HCK: variants seen among roughly 807,000 people sequenced by gnomAD.
The protein encoded by HCK is tyrosine-protein kinase HCK.
In HCK, 40 loss-of-function variants were observed where a neutral mutation model predicts 70.4. The ratio of observed to expected loss-of-function variants is 0.57; its 90% confidence interval spans 0.44 to 0.74. HCK has a LOEUF of 0.74. Ranked by LOEUF, HCK falls within the 30% of genes least tolerant of loss-of-function variation. HCK has a pLI of 0.00. For missense variants in HCK, 568 were observed against 697.2 expected (o/e 0.81, Z 2.09); for synonymous variants, 245 against 263.2 (o/e 0.93, Z 0.67).
intron 11 of HCK, among the ~76,000 whole-genome samples, chr20:32,095,896 T>C (rs1278146371): frequency 2.7e-5 from 3 of 109,818 alleles, no homozygotes; most frequent in Non-Finnish European, 5.4e-5. Context: ...TATTTATTTA[T>C]TTATTTATTT....
intron 5 of HCK, among the ~76,000 whole-genome samples, chr20:32,076,518 TG>T (rs1256762059): frequency 1.3e-5 from 2 of 152,150 alleles, no homozygotes; most frequent in Non-Finnish European, 2.9e-5. Context: ...GAGGCGTGGC[TG>T]GCATTATTTC....
Position 32,099,119 on chromosome 20 carries a change from C to A in HCK, c.1362C>A (p.Gly454=). 6.2e-7 allele frequency: 1 copy of A among 1,614,124 alleles called. No homozygotes were observed. Among genetic ancestry groups the A allele is most frequent in the Non-Finnish European group, 8.5e-7 (1 of 1,179,988 alleles). Residue 454 remains glycine, a synonymous_variant, in exon 12 of 13, where the codon GGC becomes GGA. Coordinates refer to ENST00000375852, the MANE Select transcript of HCK (RefSeq NM_002110.5). ...TGCTGATGGAGATCGTCACCTACGG[C>A]CGGATCCCTTACCCAGGTAGGGAAG...
intron 1 of HCK, among the ~76,000 whole-genome samples, chr20:32,063,089 C>T (rs1248565689): frequency 6.6e-6 from 1 of 152,176 alleles, no homozygotes; most frequent in African/African-American, 2.4e-5. Context: ...GTTTGACCTA[C>T]CACTGACTAG....
At chr20:32,093,097 A>C (rs191996680) in intron 10 of HCK, among the ~76,000 whole-genome samples, 12 of 152,138 alleles carry the variant, frequency 7.9e-5, no homozygotes, top group Admixed American at 2.0e-4. Context: ...GGCGTGCACC[A>C]CCATGCTCAT....
At position 32,084,379 on chromosome 20, in the gene HCK, A is replaced by C. The variant is rs774814991; in HGVS notation, c.683-12A>C. On this transcript the variant is annotated splice_polypyrimidine_tract_variant and intron_variant, in intron 7 of 12. Transcript: ENST00000375852. ...GCTTGTTGCTCTCAATTGACCAGGG[A>C]CTCTGTTCCAGAGGGGAACGACGGG... 4.4e-6 allele frequency: 7 copies of C among 1,607,502 alleles called. No individual in the cohort carries two copies. The highest frequency in any genetic ancestry group is 5.1e-6 in the Non-Finnish European group (6 of 1,176,584).
At chr20:32,082,699 A>C (rs2045725091) in intron 6 of HCK, among the ~76,000 whole-genome samples, 1 of 152,104 alleles carries the variant, frequency 6.6e-6, no homozygotes, top group Non-Finnish European at 1.5e-5. Flanking sequence ...TACTATTATC[A>C]TGGTAAAGAA....
chr20:32,052,332 G>T lies in HCK; in HGVS notation c.-93G>T. 1 of 898,802 alleles carries T rather than the reference G, an allele frequency of 1.1e-6. No individual in the cohort carries two copies. The highest frequency in any genetic ancestry group is 1.5e-6 in the Non-Finnish European group (1 of 664,176). The allele number at this position is 898,802 out of a possible 1,614,324, so 55.7% of individuals were successfully genotyped here. On this transcript the variant is annotated 5_prime_UTR_variant, in exon 1 of 13. Transcript: ENST00000375852. ...ACAGTGCAGGACGAGAAACGCCCGC[G>T]GCACCAAAGCCCCTCAGAGCGTCGC...
At chr20:32,054,296 C>T (rs2045230604) in intron 1 of HCK, 1 of 455,666 alleles carries the variant, frequency 2.2e-6, no homozygotes, top group East Asian at 7.0e-5. Flanking sequence ...GCATAAACAA[C>T]ACGTAGGATT....
In HCK at chr20:32,101,339, C is replaced by A. The variant is rs1333578784; in HGVS notation, c.1401C>A (p.Ile467=). The change falls in exon 13 of 13, where the codon ATC becomes ATA. Residue 467 remains isoleucine, a synonymous_variant. Transcript: ENST00000375852. ...CAGGGATGTCAAACCCTGAAGTGAT[C>A]CGAGCTCTGGAGCGTGGATACCGGA... is the stretch of plus-strand genomic sequence containing the variant. The A allele has an allele frequency of 1.9e-6, 3 of 1,614,154 alleles. No individual in the cohort carries two copies. Among genetic ancestry groups the A allele is most frequent in the African/African-American group, 1.3e-5 (1 of 75,052 alleles).
At chr20:32,055,242 G>T (rs1393610268) in intron 1 of HCK, among the ~76,000 whole-genome samples, 1 of 152,230 alleles carries the variant, frequency 6.6e-6, no homozygotes, top group South Asian at 2.1e-4. Context: ...GAAGAGAGAA[G>T]AATGTTGCTC....
chr20:32,092,385 T>C (rs756150238), intron 10 of HCK, among the ~76,000 whole-genome samples: 1 of 152,238 alleles, frequency 6.6e-6, no homozygotes, highest in Non-Finnish European at 1.5e-5. Flanking sequence ...AAACCAAAAG[T>C]GCTGCTTTCT....
intron 6 of HCK, among the ~76,000 whole-genome samples, chr20:32,081,962 G>A (rs900905991): frequency 6.6e-6 from 1 of 152,192 alleles, no homozygotes; most frequent in Non-Finnish European, 1.5e-5. Flanking sequence ...CATGAGACCT[G>A]TGAATCCCAC....
intron 11 of HCK, among the ~76,000 whole-genome samples, chr20:32,095,612 G>C (rs1205124811): frequency 6.6e-6 from 1 of 152,264 alleles, no homozygotes; most frequent in South Asian, 2.1e-4. Flanking sequence ...TACAGCTGGT[G>C]GTGGGGAGTT....
rs552281266 is a variant in HCK at position 32,092,373 on chromosome 20, G to A, written c.1093-1490G>A. Reference sequence around the variant, plus strand: ...GCCTCAAAGAGCTCAAGCCCAGTTTGTAAACCAAAAGTGCTGCTTTCTGGG... The same window carrying A: ...GCCTCAAAGAGCTCAAGCCCAGTTTATAAACCAAAAGTGCTGCTTTCTGGG... On this transcript the variant is annotated intron_variant, in intron 10 of 12. Transcript: ENST00000375852. 2.6e-4 allele frequency among the ~76,000 whole-genome samples: 39 copies of A among 152,302 alleles called. 1 individual carries two copies. The highest frequency in any genetic ancestry group is 2.2e-3 in the Admixed American group (34 of 15,298).
At chr20:32,055,898 A>G (rs545330483) in intron 1 of HCK, among the ~76,000 whole-genome samples, 12 of 152,292 alleles carry the variant, frequency 7.9e-5, no homozygotes, top group Non-Finnish European at 1.8e-4. Flanking sequence ...TATTCAGGAT[A>G]TTTAACATAA....
At chr20:32,072,834 C>G (rs1299622854) in intron 2 of HCK, among the ~76,000 whole-genome samples, 4 of 152,024 alleles carry the variant, frequency 2.6e-5, no homozygotes, top group Non-Finnish European at 5.9e-5. Context: ...CTCAAGAAAC[C>G]TGGATCCTGG....
Position 32,074,693 on chromosome 20 carries a change from G to A in HCK, c.400G>A (p.Ala134Thr), listed in dbSNP as rs761716878. 1.7e-5 allele frequency: 27 copies of A among 1,613,652 alleles called. No individual in the cohort carries two copies. Among genetic ancestry groups the A allele is most frequent in the Admixed American group, 8.3e-5 (5 of 59,984 alleles). ...GGGCTACATCCCAAGCAACTATGTC[G>A]CCCGCGTTGACTCTCTGGAGACAGA... Residue 134 changes from alanine (A) to threonine (T), a missense_variant, in exon 5 of 13, where the codon GCC becomes ACC. This residue lies in a region of HCK where 318 missense variants were observed against 336.0 expected (regional missense o/e 0.95). Coordinates refer to ENST00000375852, the MANE Select transcript of HCK (RefSeq NM_002110.5).
rs191762055 is a variant in HCK at position 32,101,290 on chromosome 20, G to A, written c.1379-27G>A. 5.7e-4 allele frequency: 922 copies of A among 1,608,736 alleles called. 2 individuals are homozygous for A. The highest frequency in any genetic ancestry group is 3.8e-4 in the East Asian group (17 of 44,786). ...GGGCTCTCATTTCCCAACTGCTTCC[G>A]TTTCTAATTCCACGGCTCCTTTTCA... On this transcript the variant is annotated intron_variant, in intron 12 of 12. Transcript: ENST00000375852.
At chr20:32,084,704 A>G (rs2045759422) in intron 8 of HCK, among the ~76,000 whole-genome samples, 161 bp downstream of exon 8, 1 of 152,166 alleles carries the variant, frequency 6.6e-6, no homozygotes, top group Non-Finnish European at 1.5e-5. Flanking sequence ...TAGCAAACCA[A>G]ATTGTCTTGC....
Sources: allele counts gnomAD v4.1 joint callset (sites outside exome capture counted in the v4.1 genomes callset), GRCh38; gene constraint gnomAD v4.1.1; regional missense constraint gnomAD v4.1.1; transcripts MANE v1.5; gene names NCBI Gene and HGNC (gene_info 2026-07-23, HGNC 2026-07-21).